The following DNAJC13 variants were observed in gnomAD, a reference collection of about 807,000 sequenced individuals.
DNAJC13 encodes dnaJ homolog subfamily C member 13.
Under a neutral mutation model 290.5 loss-of-function variants are expected in DNAJC13, and 75 were observed. That is an observed-to-expected ratio of 0.26 (90% confidence interval 0.21 to 0.31). DNAJC13 has a LOEUF of 0.31. Among genes scored for constraint, DNAJC13 ranks in the 10% least tolerant of loss-of-function variants. The pLI is 1.00. For missense variants in DNAJC13, 2,260 were observed against 2,674.5 expected, an observed-to-expected ratio of 0.85 and a Z score of 3.42; for synonymous variants, 862 against 892.0, an observed-to-expected ratio of 0.97 and a Z score of 0.60.
At chr3:132,477,453 AAGT>A (rs1934510393) in intron 22 of DNAJC13, among the ~76,000 whole-genome samples, 1 of 152,204 alleles carries the variant, frequency 6.6e-6, no homozygotes, top group Non-Finnish European at 1.5e-5. Flanking sequence ...GGAAGACCTG[AAGT>A]AGTGTATGTG....
intron 2 of DNAJC13, among the ~76,000 whole-genome samples, chr3:132,434,879 T>C (rs1939339344): frequency 6.6e-6 from 1 of 152,202 alleles, no homozygotes; most frequent in Non-Finnish European, 1.5e-5. Flanking sequence ...TAATCCACGC[T>C]CTTGTATGCT....
At position 132,499,840 on chromosome 3, in the gene DNAJC13, T is replaced by C. The variant is rs374814816; in HGVS notation, c.4416+32T>C. 1.9e-6 allele frequency: 3 copies of C among 1,587,004 alleles called. No individual in the cohort carries two copies. In the African/African-American group the frequency reaches 4.1e-5, roughly 21 times the overall value. Reference sequence around the variant, plus strand: ...CTAAAACCTGTGGTTCCAAGAAAATTGCACTAGTTCAATGGTTCAGACTTT... The same window carrying C: ...CTAAAACCTGTGGTTCCAAGAAAATCGCACTAGTTCAATGGTTCAGACTTT... On this transcript the variant is annotated intron_variant, in intron 38 of 55. Coordinates refer to ENST00000260818, the MANE Select transcript of DNAJC13 (RefSeq NM_015268.4).
chr3:132,474,214 G>A (rs1245126355), intron 21 of DNAJC13: 1 of 152,052 alleles, frequency 6.6e-6, no homozygotes, highest in Non-Finnish European at 1.5e-5. Context: ...TTTTGTATCT[G>A]ACAAGAGAAT....
chr3:132,454,130 A>G lies in DNAJC13; in HGVS notation c.905A>G (p.Gln302Arg), dbSNP rs1933508909. The G allele has an allele frequency of 6.2e-7, 1 of 1,607,514 alleles. No individual in the cohort carries two copies. Among genetic ancestry groups the G allele is most frequent in the Non-Finnish European group, 8.5e-7 (1 of 1,177,978 alleles). Residue 302 changes from glutamine (Q) to arginine (R), a missense_variant, in exon 9 of 56, where the codon CAA becomes CGA. Transcript: ENST00000260818. Reference protein sequence around the residue: ...QLFTIEFIKGQVRKYSSTERD... With the variant: ...QLFTIEFIKGRVRKYSSTERD... ...TTTACCATTGAATTTATAAAAGGGC[A>G]AGTACGGAAATATTCTTCAACAGAG...
chr3:132,473,111 A>G (rs774997114), intron 20 of DNAJC13, 34 bp from the exon 21 acceptor site: 3 of 1,451,108 alleles, frequency 2.1e-6, no homozygotes, highest in Non-Finnish European at 2.9e-6. Flanking sequence ...TGGTAGCCCC[A>G]GATTGAGCAC....
At chr3:132,432,848 C>T (rs1057102426) in intron 1 of DNAJC13, among the ~76,000 whole-genome samples, 2 of 152,174 alleles carry the variant, frequency 1.3e-5, no homozygotes, top group African/African-American at 4.8e-5. Context: ...TGTTCTATAT[C>T]CTGTTCAACC....
chr3:132,464,332 C>T (rs1303007171), intron 17 of DNAJC13, among the ~76,000 whole-genome samples: 1 of 152,186 alleles, frequency 6.6e-6, no homozygotes, highest in Non-Finnish European at 1.5e-5. Context: ...AATATAAACA[C>T]ATAAATTTAT....
chr3:132,450,861 T>TA lies in DNAJC13; in HGVS notation c.537+26dup, dbSNP rs34198565. 0.18 allele frequency: 190,764 copies of TA among 1,075,580 alleles called. 2,831 individuals are homozygous for TA. The highest frequency in any genetic ancestry group is 0.22 in the East Asian group (6,996 of 31,202). The allele number at this position is 1,075,580 out of a possible 1,614,324, so 66.6% of individuals were successfully genotyped here. A position where few individuals can be genotyped will look rare whatever the true frequency, so the allele number is the denominator to read the frequency against. On this transcript the variant is annotated intron_variant, in intron 6 of 55. Transcript: ENST00000260818. ...TTTAGTAGATTGGTAAGTACTATTT[T>TA]AAAAAAAAAAAACACTTTAAAAGGG...
chr3:132,447,507 C>T (rs745463394), intron 4 of DNAJC13, 37 bp downstream of exon 4: 3 of 1,503,888 alleles, frequency 2.0e-6, no homozygotes, highest in Non-Finnish European at 2.6e-6. Flanking sequence ...AAATTTCTTT[C>T]TTCTCTTTTT....
intron 48 of DNAJC13, among the ~76,000 whole-genome samples, chr3:132,518,022 GTAA>G (rs1182789414): frequency 2.0e-5 from 3 of 152,050 alleles, no homozygotes; most frequent in Non-Finnish European, 4.4e-5. Context: ...GCACATAACT[GTAA>G]TATCTAATAT....
In DNAJC13 at chr3:132,463,768, C is replaced by G. The variant is rs138466914; in HGVS notation, c.1843C>G (p.His615Asp). ...TGAAGGTGCCTTACCTCGACACTTG[C>G]ATACTGCGATGTTTACAATAAGCTC... ...LSEGALPRHL[H>D]TAMFTISSDQ... is the part of the protein sequence containing the mutation. The change falls in exon 17 of 56, where the codon CAT (histidine) becomes GAT (aspartate). Residue 615 changes from histidine to aspartate, a missense_variant. His to Asp is a moderately conservative substitution (Grantham distance 81, BLOSUM62 -1). This residue lies in a region of DNAJC13 where 762 missense variants were observed against 964.1 expected (regional missense o/e 0.79). Transcript: ENST00000260818. 2 of 1,613,366 alleles carry G rather than the reference C, an allele frequency of 1.2e-6. No individual in the cohort carries two copies. The highest frequency in any genetic ancestry group is 2.2e-5 in the East Asian group (1 of 44,864).
chr3:132,525,481 G>T (rs1304202271), intron 51 of DNAJC13, 129 bp from the exon 52 acceptor site: 3 of 861,402 alleles, frequency 3.5e-6, no homozygotes, highest in African/African-American at 3.4e-5. Flanking sequence ...TAGGATTAGT[G>T]AATCTGTTTT....
intron 15 of DNAJC13, 58 bp from the exon 16 acceptor site, chr3:132,462,409 A>G: frequency 6.6e-7 from 1 of 1,517,188 alleles, no homozygotes; most frequent in African/African-American, 1.4e-5. Flanking sequence ...TAACAGCTAA[A>G]TGTGTTGGAA....
chr3:132,485,046 C>T (rs978477692), intron 29 of DNAJC13, among the ~76,000 whole-genome samples: 8 of 152,026 alleles, frequency 5.3e-5, no homozygotes, highest in Admixed American at 1.3e-4. Flanking sequence ...ATCATGCCAC[C>T]GCACTCCAGC....
chr3:132,503,285 A>G lies in DNAJC13; in HGVS notation c.4788A>G (p.Glu1596=), dbSNP rs1935479074. 6 of 1,614,126 alleles carry G rather than the reference A, an allele frequency of 3.7e-6. No homozygotes were observed. The highest frequency in any genetic ancestry group is 5.1e-6 in the Non-Finnish European group (6 of 1,179,996). The change falls in exon 41 of 56, where the codon GAA becomes GAG. Residue 1596 remains glutamate, a synonymous_variant. Coordinates refer to ENST00000260818, the MANE Select transcript of DNAJC13 (RefSeq NM_015268.4). ...LSRLGGYLAE[E]QATPENPTIR... ...GCCTTGGAGGGTATTTGGCTGAAGA[A>G]CAAGCAACTCCAGAAAATCCAACCA... is the stretch of plus-strand genomic sequence containing the variant.
chr3:132,461,290 ATACTTC>A, intron 15 of DNAJC13, 85 bp downstream of exon 15: 1 of 1,447,272 alleles, frequency 6.9e-7, no homozygotes. Flanking sequence ...TAACATTTGC[ATACTTC>A]TATAGCAGAG....
chr3:132,534,938 G>A (rs1357756971), intron 55 of DNAJC13, among the ~76,000 whole-genome samples: 1 of 152,194 alleles, frequency 6.6e-6, no homozygotes, highest in Non-Finnish European at 1.5e-5. Context: ...AAAATCCCAT[G>A]ATGTGGAACT....
chr3:132,456,806 T>C lies in DNAJC13; in HGVS notation c.1323T>C (p.Gly441=), dbSNP rs1302913218. ...AVRRLVASKA[G]FLAFTQLPKF... ...GGAGGCTTGTGGCATCCAAAGCTGGTTTCCTGGCTTTCACTCAGCTTCCAA... is the reference window on the plus strand; with the variant it reads ...GGAGGCTTGTGGCATCCAAAGCTGGCTTCCTGGCTTTCACTCAGCTTCCAA... The change falls in exon 12 of 56, where the codon GGT becomes GGC. Residue 441 remains glycine (G), a synonymous_variant. Coordinates refer to ENST00000260818, the MANE Select transcript of DNAJC13 (RefSeq NM_015268.4). The C allele has an allele frequency of 5.6e-6, 9 of 1,612,690 alleles. No individual in the cohort carries two copies. The South Asian group carries it at 9.9e-5, about 18-fold the overall frequency.
chr3:132,523,250 T>C (rs1936147834), intron 50 of DNAJC13, 51 bp downstream of exon 50: 1 of 1,596,774 alleles, frequency 6.3e-7, no homozygotes, highest in South Asian at 1.1e-5. Flanking sequence ...TTAGTTGTTT[T>C]CACTTTCTAC....
Sources: allele counts gnomAD v4.1 joint callset (sites outside exome capture counted in the v4.1 genomes callset), GRCh38; gene constraint gnomAD v4.1.1; regional missense constraint gnomAD v4.1.1; transcripts MANE v1.5; gene names NCBI Gene and HGNC (gene_info 2026-07-23, HGNC 2026-07-21).